Variants in CSMD1 observed in about 807,000 individuals in gnomAD.
CSMD1 encodes the protein CUB and sushi domain-containing protein 1.
A neutral mutation model predicts 417.5 loss-of-function variants in CSMD1; 213 were observed. The observed-to-expected ratio is 0.51, with a 90% confidence interval of 0.46 to 0.57. The LOEUF (loss-of-function observed/expected upper bound fraction) is 0.57, where lower values mean the gene tolerates loss of function less well. Among genes scored for constraint, CSMD1 ranks in the 20% least tolerant of loss-of-function variants. The pLI is 0.00. For synonymous variants in CSMD1, 2,862 were observed against 1,736.8 expected (o/e 1.65, Z -16.11); for missense variants, 6,923 against 4,529.7 (o/e 1.53, Z -15.17).
At chr8:3,046,271 G>GTGGAC (rs1255692701) in intron 50 of CSMD1, among the ~76,000 whole-genome samples, 1 of 152,146 alleles carries the variant, frequency 6.6e-6, no homozygotes, top group Non-Finnish European at 1.5e-5. Context: ...GTGAAGCCAC[G>GTGGAC]TGGACGCATG....
intron 1 of CSMD1, among the ~76,000 whole-genome samples, chr8:4,738,327 TC>T (rs1810374078): frequency 6.6e-6 from 1 of 152,194 alleles, no homozygotes; most frequent in Non-Finnish European, 1.5e-5. Context: ...GACTAACATT[TC>T]AGCATGGGCG....
At chr8:4,453,272 C>G (rs1055403479) in intron 2 of CSMD1, among the ~76,000 whole-genome samples, 1 of 151,500 alleles carries the variant, frequency 6.6e-6, no homozygotes, top group African/African-American at 2.4e-5. Context: ...CCTAATGTAA[C>G]CAAAACATGA....
At position 3,113,625 on chromosome 8, in the gene CSMD1, G is replaced by A. The variant is rs1303445796; in HGVS notation, c.6431-3290C>T. ...CCCCACAACGCCACTCTCTATCATT[G>A]CCTCAAATACCACGGAGGCTTCCCT... On this transcript the variant is annotated intron_variant, in intron 42 of 69. Transcript: ENST00000635120. Among the ~76,000 whole-genome samples the A allele has an allele frequency of 5.3e-5, 8 of 152,166 alleles. No individual in the cohort carries two copies. In the East Asian group the frequency reaches 1.5e-3, roughly 29 times the overall value.
chr8:4,231,403 C>G (rs1025722296), intron 3 of CSMD1, among the ~76,000 whole-genome samples: 19 of 152,210 alleles, frequency 1.2e-4, no homozygotes, highest in African/African-American at 4.6e-4. Flanking sequence ...ATTTGTCTCA[C>G]AAAGTTGTTA....
At chr8:3,148,362 G>C (rs1014269134) in intron 40 of CSMD1, among the ~76,000 whole-genome samples, 23 of 152,184 alleles carry the variant, frequency 1.5e-4, no homozygotes, top group African/African-American at 4.6e-4. Context: ...TCTGAGAAGA[G>C]CTTGCTGACA....
At chr8:3,443,604 T>A (rs955572407) in intron 12 of CSMD1, among the ~76,000 whole-genome samples, 2 of 152,206 alleles carry the variant, frequency 1.3e-5, no homozygotes, top group African/African-American at 4.8e-5. Flanking sequence ...AGTGAGACCT[T>A]CAAATTATAC....
intron 36 of CSMD1, among the ~76,000 whole-genome samples, chr8:3,184,970 C>T (rs1437156614): frequency 6.6e-6 from 1 of 152,214 alleles, no homozygotes; most frequent in African/African-American, 2.4e-5. Flanking sequence ...CCTGTCACAT[C>T]CCTGTTTTGT....
rs148360313 is a variant in CSMD1, at chr8:4,457,489, T to G, written c.303-37424A>C. 6.8e-3 allele frequency among the ~76,000 whole-genome samples: 1,040 copies of G among 152,196 alleles called. 11 individuals carry two copies. Among genetic ancestry groups the G allele is most frequent in the African/African-American group, 0.024 (1,001 of 41,510 alleles). ...TATTGGAAAAGATTACCTGTAGTTT[T>G]CTATAAGAAATGATCATCTGGACAT... is the stretch of plus-strand genomic sequence containing the variant. On this transcript the variant is annotated intron_variant, in intron 2 of 69. Transcript: ENST00000635120.
At chr8:3,664,887 CA>C (rs1377453536) in intron 7 of CSMD1, among the ~76,000 whole-genome samples, 1 of 152,086 alleles carries the variant, frequency 6.6e-6, no homozygotes, top group African/African-American at 2.4e-5. Flanking sequence ...TTCAACGTCA[CA>C]AATTCCAAAA....
At chr8:3,383,892 A>T (rs1810797102) in intron 18 of CSMD1, among the ~76,000 whole-genome samples, 2 of 152,210 alleles carry the variant, frequency 1.3e-5, no homozygotes, top group South Asian at 4.1e-4. Context: ...TTAGATGATG[A>T]GAAGCAGCGA....
At chr8:4,869,432 A>C (rs951378834) in intron 1 of CSMD1, among the ~76,000 whole-genome samples, 3 of 152,064 alleles carry the variant, frequency 2.0e-5, no homozygotes, top group African/African-American at 7.2e-5. Flanking sequence ...AATATTTGGT[A>C]ATCACTAAAT....
chr8:4,876,575 C>G (rs1006215414), intron 1 of CSMD1, among the ~76,000 whole-genome samples: 1 of 152,092 alleles, frequency 6.6e-6, no homozygotes, highest in Non-Finnish European at 1.5e-5. Context: ...TACAAGGATG[C>G]TTATTCATAA....
At chr8:3,495,518 T>G (rs1796329072) in intron 10 of CSMD1, among the ~76,000 whole-genome samples, 1 of 152,198 alleles carries the variant, frequency 6.6e-6, no homozygotes, top group African/African-American at 2.4e-5. Flanking sequence ...TTGTCAGTAT[T>G]TCATCTCAAC....
chr8:3,405,039 A>T (rs905112885), intron 15 of CSMD1, among the ~76,000 whole-genome samples: 6 of 152,328 alleles, frequency 3.9e-5, no homozygotes, highest in Admixed American at 3.3e-4. Context: ...TAAGAGTCCT[A>T]CTAAGAATTT....
chr8:4,830,748 G>C (rs539602151), intron 1 of CSMD1, among the ~76,000 whole-genome samples: 1 of 152,132 alleles, frequency 6.6e-6, no homozygotes, highest in African/African-American at 2.4e-5. Context: ...TGGAACCATT[G>C]GACTTTAAGA....
chr8:4,682,330 C>T (rs934255382), intron 1 of CSMD1, among the ~76,000 whole-genome samples: 3 of 152,120 alleles, frequency 2.0e-5, no homozygotes, highest in Admixed American at 6.5e-5. Context: ...TGTGCTTAGA[C>T]TGAAAAATGC....
At chr8:4,478,703 T>G (rs369994431) in intron 2 of CSMD1, among the ~76,000 whole-genome samples, 46 of 152,346 alleles carry the variant, frequency 3.0e-4, no homozygotes, top group African/African-American at 1.1e-3. Flanking sequence ...TGGTTACTTG[T>G]AAAGCTGATT....
intron 3 of CSMD1, among the ~76,000 whole-genome samples, chr8:4,046,736 T>C (rs555407424): frequency 6.6e-6 from 1 of 152,334 alleles, no homozygotes; most frequent in South Asian, 2.1e-4. Context: ...TTTAAACTTT[T>C]TTTCTGTTTC....
At chr8:3,440,214 G>C (rs1563391528) in intron 12 of CSMD1, among the ~76,000 whole-genome samples, 1 of 116,364 alleles carries the variant, frequency 8.6e-6, no homozygotes, top group Non-Finnish European at 1.9e-5. Flanking sequence ...TCTTATAACA[G>C]GTGCATTAAA....
Sources: gnomAD v4.1 joint callset for allele counts (sites outside exome capture counted in the v4.1 genomes callset) on GRCh38, gnomAD v4.1.1 for gene constraint, MANE v1.5 for transcripts, NCBI Gene and HGNC (gene_info 2026-07-23, HGNC 2026-07-21) for gene names.